The following CLIP1 variants were observed in gnomAD, a reference collection of about 807,000 sequenced individuals.
CLIP1 encodes the protein CAP-Gly domain containing linker protein 1.
A neutral mutation model predicts 161.6 loss-of-function variants in CLIP1; 66 were observed. The observed-to-expected ratio is 0.41, with a 90% CI of 0.33 to 0.50. The LOEUF (loss-of-function observed/expected upper bound fraction) is 0.50, where lower values mean the gene tolerates loss of function less well. CLIP1 is among the 20% of genes least tolerant of loss of function. CLIP1 has a pLI of 0.27. For missense variants in CLIP1, 1,376 were observed against 1,702.0 expected (o/e 0.81, Z 3.37); for synonymous variants, 598 against 626.2 (o/e 0.96, Z 0.67).
At chr12:122,330,473 A>G (rs936765855) in intron 15 of CLIP1, among the ~76,000 whole-genome samples, 6 of 152,208 alleles carry the variant, frequency 3.9e-5, no homozygotes, top group Non-Finnish European at 7.3e-5. Flanking sequence ...TTTGCCTTAT[A>G]AATTCTTTGA....
intron 20 of CLIP1, among the ~76,000 whole-genome samples, chr12:122,294,337 A>C (rs898220988): frequency 6.3e-5 from 9 of 142,892 alleles, no homozygotes; most frequent in African/African-American, 2.0e-4. Flanking sequence ...TCAAAAAAAA[A>C]AAAAAACAAA....
chr12:122,386,067 C>T (rs1205266241), intron 1 of CLIP1, among the ~76,000 whole-genome samples: 1 of 152,156 alleles, frequency 6.6e-6, no homozygotes, highest in East Asian at 1.9e-4. Flanking sequence ...AGGCGGTTCA[C>T]CTGAGGTCAG....
At chr12:122,301,061 A>G (rs1322898922) in intron 20 of CLIP1, among the ~76,000 whole-genome samples, 3 of 152,248 alleles carry the variant, frequency 2.0e-5, no homozygotes, top group African/African-American at 7.2e-5. Flanking sequence ...AAAAATGTCA[A>G]TGTCATGAAA....
At chr12:122,360,116 G>A (rs1466736640) in intron 5 of CLIP1, among the ~76,000 whole-genome samples, 2 of 152,172 alleles carry the variant, frequency 1.3e-5, no homozygotes, top group Non-Finnish European at 1.5e-5. Flanking sequence ...GGCTTTCCTA[G>A]TATCCTCTTC....
intron 18 of CLIP1, among the ~76,000 whole-genome samples, chr12:122,317,597 G>A (rs1951319470): frequency 6.6e-6 from 1 of 152,158 alleles, no homozygotes; most frequent in Non-Finnish European, 1.5e-5. Flanking sequence ...ACCAAGGATG[G>A]TAGCTCATGT....
intron 7 of CLIP1, 74 bp from the exon 8 acceptor site, chr12:122,352,860 A>C: frequency 3.1e-6 from 4 of 1,283,440 alleles, no homozygotes; most frequent in Non-Finnish European, 4.5e-6. Flanking sequence ...AAAACAAACA[A>C]ACAAAAAAAC....
Position 122,377,456 on chromosome 12 carries a change from G to A in CLIP1, c.590C>T (p.Ser197Phe). Residue 197 changes from serine (S) to phenylalanine (F), a missense_variant, in exon 3 of 26, where the codon TCC becomes TTC. Physicochemically the swap from Ser to Phe is radical, Grantham distance 155 (BLOSUM62 -2). Transcript: ENST00000620786. ...NLTKTASESI[S>F]NLSEAGSIKK... is the part of the protein sequence containing the mutation. ...GATTGAGCCAGCCTCTGAAAGGTTG[G>A]AGATAGATTCACTGGCAGTTTTTGT... The A allele has an allele frequency of 6.2e-7, 1 of 1,614,102 alleles. No homozygotes were observed.
intron 1 of CLIP1, among the ~76,000 whole-genome samples, chr12:122,420,145 C>CT (rs1272467881): frequency 6.6e-6 from 1 of 151,424 alleles, no homozygotes; most frequent in Admixed American, 6.6e-5. Context: ...TGTGATCAGC[C>CT]TGGCTGGCCA....
At chr12:122,414,136 TTTTG>T (rs201579069) in intron 1 of CLIP1, among the ~76,000 whole-genome samples, 1,792 of 152,214 alleles carry the variant, frequency 0.012, 10 homozygotes, top group Admixed American at 0.016. Context: ...GGGGTTTGTT[TTTTG>T]TTTGTTTGTT....
chr12:122,325,354 A>G (rs1382964630), intron 17 of CLIP1, among the ~76,000 whole-genome samples: 1 of 152,102 alleles, frequency 6.6e-6, no homozygotes, highest in Non-Finnish European at 1.5e-5. Context: ...CACCACGCCC[A>G]GCTGATATAA....
In CLIP1 at chr12:122,319,327, C is replaced by T. The variant is rs1390300560; in HGVS notation, c.3271G>A (p.Ala1091Thr). 1.2e-6 allele frequency: 2 copies of T among 1,613,844 alleles called. No individual in the cohort carries two copies. Among genetic ancestry groups the T allele is most frequent in the South Asian group, 1.1e-5 (1 of 91,070 alleles). Residue 1091 changes from alanine to threonine, a missense_variant, in exon 18 of 26, where the codon GCC becomes ACC. Physicochemically the swap from Ala to Thr is moderately conservative, Grantham distance 58. Around this residue, in one of 6 missense-constraint regions of CLIP1, gnomAD observed 948 missense variants for 1,134.8 expected, o/e 0.84. Transcript: ENST00000620786. ...KAKAAQTAED[A>T]MQIMEQMTKE... The stretch of plus-strand genomic sequence containing the variant: ...GTCATCTGTTCCATTATCTGCATGG[C>T]ATCTTCCGCTGTTTGAGCAGCCTAA...
At chr12:122,416,951 G>A (rs749912916) in intron 1 of CLIP1, among the ~76,000 whole-genome samples, 5 of 151,196 alleles carry the variant, frequency 3.3e-5, no homozygotes, top group South Asian at 2.1e-4. Flanking sequence ...GGATCACACC[G>A]GTAATCCCAA....
chr12:122,289,693 T>TA lies in CLIP1; in HGVS notation c.3595-1153dup, dbSNP rs755974545. ...TGGTTCTTTATTATCTCATGAAGGATAAAAAACAAAAGATTCAGGTAGTTA... is the reference window on the plus strand; with the variant it reads ...TGGTTCTTTATTATCTCATGAAGGATAAAAAAACAAAAGATTCAGGTAGTTA... On this transcript the variant is annotated intron_variant, in intron 20 of 25. Coordinates refer to ENST00000620786, the MANE Select transcript of CLIP1 (RefSeq NM_001247997.2). Among the ~76,000 whole-genome samples the TA allele has an allele frequency of 3.3e-5, 5 of 152,212 alleles. No homozygotes were observed. The Middle Eastern group carries it at 0.01, about 311-fold the overall frequency.
At chr12:122,401,815 A>G (rs987239979) in intron 1 of CLIP1, among the ~76,000 whole-genome samples, 7 of 151,960 alleles carry the variant, frequency 4.6e-5, no homozygotes, top group African/African-American at 1.7e-4. Context: ...CCTGACAGAC[A>G]TGGTGAAGCC....
chr12:122,302,629 G>A (rs1950730151), intron 20 of CLIP1, among the ~76,000 whole-genome samples: 1 of 151,784 alleles, frequency 6.6e-6, no homozygotes. Context: ...ACAGAATCTT[G>A]CTCTGTCCCC....
chr12:122,341,310 C>T lies in CLIP1; in HGVS notation c.1894G>A (p.Ala632Thr), dbSNP rs151267608. ...LWKSKLETAI[A>T]SHQQAMEELK... ...TCTTCCATCGCCTGCTGGTGGGATG[C>T]GATGGCAGTCTCCAGTTTGGACTTC... is the stretch of plus-strand genomic sequence containing the variant. The change falls in exon 11 of 26, where the codon GCA becomes ACA. Residue 632 changes from alanine (A) to threonine (T), a missense_variant. Transcript: ENST00000620786. 5.3e-5 allele frequency: 85 copies of T among 1,613,772 alleles called. No individual in the cohort carries two copies. The highest frequency in any genetic ancestry group is 4.9e-4 in the Middle Eastern group (3 of 6,084).
intron 3 of CLIP1, among the ~76,000 whole-genome samples, chr12:122,367,520 T>A (rs1036439199): frequency 2.6e-4 from 39 of 152,336 alleles, no homozygotes; most frequent in Middle Eastern, 3.4e-3. Flanking sequence ...GTTTACGCAT[T>A]TCAACGGGAC....
intron 1 of CLIP1, among the ~76,000 whole-genome samples, chr12:122,391,108 C>A (rs1331342209): frequency 1.3e-5 from 2 of 150,996 alleles, no homozygotes; most frequent in Non-Finnish European, 3.0e-5. Context: ...GCCAACATAG[C>A]GAAACCCCGT....
intron 1 of CLIP1, chr12:122,396,723 G>A (rs572479643): frequency 6.6e-6 from 1 of 152,102 alleles, no homozygotes; most frequent in East Asian, 1.9e-4. Flanking sequence ...CATATGGAGA[G>A]GGGGAGAGGG....
Sources: allele counts gnomAD v4.1 joint callset (sites outside exome capture counted in the v4.1 genomes callset), GRCh38; gene constraint gnomAD v4.1.1; regional missense constraint gnomAD v4.1.1; transcripts MANE v1.5; gene names NCBI Gene and HGNC (gene_info 2026-07-23, HGNC 2026-07-21).